The following ATP11B variants were observed in gnomAD, a reference collection of about 807,000 sequenced individuals.
ATP11B encodes ATPase phospholipid transporting 11B (putative).
ATP11B carries 81 observed loss-of-function variants against 157.8 expected under a neutral mutation model. The observed-to-expected ratio is 0.51, with a 90% CI of 0.43 to 0.62. The LOEUF is 0.62. ATP11B is among the 20% of genes least tolerant of loss of function. The pLI, the probability that ATP11B is intolerant of heterozygous loss-of-function variation, is 0.00. For synonymous variants in ATP11B, 451 were observed against 469.4 expected (o/e 0.96, Z 0.51); for missense variants, 1,165 against 1,402.2 (o/e 0.83, Z 2.70).
intron 29 of ATP11B, chr3:182,915,076 G>A: frequency 2.0e-6 from 2 of 985,288 alleles, no homozygotes; most frequent in Non-Finnish European, 2.4e-6. Flanking sequence ...CTGGAAAAAG[G>A]ATTTTTATTA....
chr3:182,863,709 A>G (rs893039541), intron 12 of ATP11B, among the ~76,000 whole-genome samples: 2 of 151,896 alleles, frequency 1.3e-5, no homozygotes, highest in African/African-American at 4.8e-5. Flanking sequence ...TTGATTTTAT[A>G]TATATATATA....
intron 10 of ATP11B, among the ~76,000 whole-genome samples, chr3:182,857,184 C>T (rs893338397): frequency 2.6e-5 from 4 of 152,304 alleles, no homozygotes; most frequent in South Asian, 4.1e-4. Context: ...CTCGCTCTGT[C>T]GCCCAGGCTA....
At chr3:182,903,702 G>A (rs1356888585) in intron 28 of ATP11B, among the ~76,000 whole-genome samples, 1 of 152,084 alleles carries the variant, frequency 6.6e-6, no homozygotes, top group Non-Finnish European at 1.5e-5. Context: ...CTTCACTTTT[G>A]TCTGAGCCAA....
chr3:182,840,910 T>C (rs1401035695), intron 7 of ATP11B, among the ~76,000 whole-genome samples: 1 of 152,210 alleles, frequency 6.6e-6, no homozygotes, highest in Non-Finnish European at 1.5e-5. Context: ...ACTCTTCTGC[T>C]TAACCCTGTA....
At chr3:182,800,264 C>T (rs533816084) in intron 1 of ATP11B, among the ~76,000 whole-genome samples, 1 of 151,820 alleles carries the variant, frequency 6.6e-6, no homozygotes, top group South Asian at 2.1e-4. Flanking sequence ...CTTTGTCTCC[C>T]AGGCTGTACT....
rs1292417545 is a variant in ATP11B, at chr3:182,866,254, T to C, written c.1444-14T>C. 6.7e-7 allele frequency: 1 copy of C among 1,498,300 alleles called. No individual in the cohort carries two copies. The highest frequency in any genetic ancestry group is 2.1e-5 in the Admixed American group (1 of 48,632). 92.8% of individuals were successfully genotyped at this position (1,498,300 alleles called of 1,614,324 possible). ...ATGATATTTTTATCATGAATATTAATTACATTTTTACAGATTAAAGAACAT... is the reference window on the plus strand; with the variant it reads ...ATGATATTTTTATCATGAATATTAACTACATTTTTACAGATTAAAGAACAT... On this transcript the variant is annotated splice_polypyrimidine_tract_variant and intron_variant, in intron 13 of 29. Coordinates refer to ENST00000323116, the MANE Select transcript of ATP11B (RefSeq NM_014616.3).
At chr3:182,896,820 G>A in intron 26 of ATP11B, 55 bp downstream of exon 26, 2 of 1,319,998 alleles carry the variant, frequency 1.5e-6, no homozygotes, top group Non-Finnish European at 2.2e-6. Flanking sequence ...TACATAGTTA[G>A]TTAACTTTCT....
intron 19 of ATP11B, among the ~76,000 whole-genome samples, chr3:182,878,431 A>T (rs1560107689): frequency 6.6e-6 from 1 of 152,224 alleles, no homozygotes; most frequent in Non-Finnish European, 1.5e-5. Flanking sequence ...GCTTTCAGCA[A>T]CATAAAGGAG....
intron 19 of ATP11B, among the ~76,000 whole-genome samples, chr3:182,877,839 A>G (rs907339579): frequency 6.6e-6 from 1 of 152,182 alleles, no homozygotes; most frequent in African/African-American, 2.4e-5. Context: ...GTGCTTTTCC[A>G]TATTTCTTAA....
intron 29 of ATP11B, chr3:182,917,763 A>G (rs779034642): frequency 1.7e-5 from 17 of 984,866 alleles, no homozygotes; most frequent in Non-Finnish European, 2.0e-5. Flanking sequence ...TTTACTACAT[A>G]TAGAAACTGT....
Position 182,842,022 on chromosome 3 carries a change from C to T in ATP11B, c.657-53C>T. Reference sequence around the variant, plus strand: ...ACAAAGGATGGTGCAAAAAAACAGCCATTGATGTCATAAGTGATATTATAT... The same window carrying T: ...ACAAAGGATGGTGCAAAAAAACAGCTATTGATGTCATAAGTGATATTATAT... On this transcript the variant is annotated intron_variant, in intron 7 of 29. Transcript: ENST00000323116. 2.5e-6 allele frequency: 3 copies of T among 1,176,598 alleles called. No individual in the cohort carries two copies. In the South Asian group the frequency reaches 4.1e-5, roughly 16 times the overall value. 72.9% of individuals were successfully genotyped at this position (1,176,598 alleles called of 1,614,324 possible).
intron 4 of ATP11B, among the ~76,000 whole-genome samples, chr3:182,831,861 T>C (rs182068933): frequency 3.2e-4 from 49 of 152,310 alleles, no homozygotes; most frequent in African/African-American, 1.1e-3. Context: ...CATTTGAATG[T>C]CTAGCTCTAC....
intron 25 of ATP11B, among the ~76,000 whole-genome samples, chr3:182,892,117 G>T (rs1019264324): frequency 6.6e-6 from 1 of 152,094 alleles, no homozygotes; most frequent in East Asian, 1.9e-4. Flanking sequence ...CACCTTGCTG[G>T]CTCTCAGAAT....
At chr3:182,886,345 G>T (rs950797139) in intron 23 of ATP11B, among the ~76,000 whole-genome samples, 1 of 152,118 alleles carries the variant, frequency 6.6e-6, no homozygotes, top group African/African-American at 2.4e-5. Flanking sequence ...TAACTTGGAG[G>T]TTCACCTCAT....
chr3:182,874,074 G>A, intron 19 of ATP11B, 59 bp downstream of exon 19: 1 of 1,489,124 alleles, frequency 6.7e-7, no homozygotes, highest in Non-Finnish European at 9.2e-7. Context: ...TGGTTCCCTG[G>A]GCCCGATGAT....
At chr3:182,870,301 A>G (rs892911752) in intron 17 of ATP11B, among the ~76,000 whole-genome samples, 2 of 152,236 alleles carry the variant, frequency 1.3e-5, no homozygotes, top group Non-Finnish European at 2.9e-5. Flanking sequence ...TGGCAAAATT[A>G]TTATGCAGTT....
intron 4 of ATP11B, 162 bp downstream of exon 4, chr3:182,829,914 A>G (rs1007429214): frequency 2.6e-5 from 26 of 984,630 alleles, no homozygotes; most frequent in Non-Finnish European, 2.2e-5. Context: ...CCACTCTGTT[A>G]TATTTCAGGT....
At chr3:182,858,783 T>C (rs561839273) in intron 11 of ATP11B, among the ~76,000 whole-genome samples, 4 of 152,294 alleles carry the variant, frequency 2.6e-5, no homozygotes, top group Non-Finnish European at 5.9e-5. Context: ...ACACTCAACT[T>C]TTAGTAGTTA....
intron 12 of ATP11B, among the ~76,000 whole-genome samples, chr3:182,861,995 C>T (rs942109830): frequency 2.6e-5 from 4 of 151,740 alleles, no homozygotes; most frequent in Non-Finnish European, 2.9e-5. Context: ...CCTGTAATCC[C>T]AGCACTTTGG....
Sources: allele counts gnomAD v4.1 joint callset (sites outside exome capture counted in the v4.1 genomes callset), GRCh38; gene constraint gnomAD v4.1.1; transcripts MANE v1.5; gene names NCBI Gene and HGNC (gene_info 2026-07-23, HGNC 2026-07-21).